The following PHF14 variants were observed in gnomAD, a reference collection of about 807,000 sequenced individuals.
PHF14 encodes the protein PHD finger protein 14.
Under a neutral mutation model 117.9 loss-of-function variants are expected in PHF14, and 55 were observed. The observed-to-expected ratio is 0.47, with a 90% CI of 0.38 to 0.58. The LOEUF (loss-of-function observed/expected upper bound fraction) is 0.58, where lower values mean the gene tolerates loss of function less well. Among genes scored for constraint, PHF14 ranks in the 20% least tolerant of loss-of-function variants. The pLI, the probability that PHF14 is intolerant of heterozygous loss-of-function variation, is 0.00. For synonymous variants in PHF14, 409 were observed against 368.6 expected (o/e 1.11, Z -1.26); for missense variants, 978 against 1,122.2 (o/e 0.87, Z 1.84).
chr7:11,067,094 A>G (rs1021941415), intron 16 of PHF14, among the ~76,000 whole-genome samples: 35 of 152,320 alleles, frequency 2.3e-4, no homozygotes, highest in African/African-American at 7.9e-4. Context: ...TTGAGAATAT[A>G]TAAAGAACTT....
At chr7:11,140,301 C>T (rs1788364601) in intron 17 of PHF14, among the ~76,000 whole-genome samples, 1 of 151,934 alleles carries the variant, frequency 6.6e-6, no homozygotes, top group Non-Finnish European at 1.5e-5. Flanking sequence ...TGCGATATAC[C>T]CTATTTTATT....
At chr7:11,059,495 G>T (rs894480981) in intron 14 of PHF14, among the ~76,000 whole-genome samples, 1 of 152,170 alleles carries the variant, frequency 6.6e-6, no homozygotes, top group Non-Finnish European at 1.5e-5. Flanking sequence ...TGCCCTGTAG[G>T]CCAGGTGCAG....
intron 4 of PHF14, 95 bp from the exon 5 acceptor site, chr7:11,013,652 T>C: frequency 1.6e-6 from 1 of 621,578 alleles, no homozygotes; most frequent in East Asian, 2.8e-5. Context: ...TTCATATCTT[T>C]TTCCTCATCT....
chr7:11,142,568 T>C (rs1788430995), intron 17 of PHF14, among the ~76,000 whole-genome samples: 2 of 152,116 alleles, frequency 1.3e-5, no homozygotes, highest in Non-Finnish European at 2.9e-5. Flanking sequence ...TTCTTGAAAA[T>C]GTGTCTTCCA....
rs1783114231 is a variant in PHF14, at chr7:11,006,650, A to ATAG, written c.1046-7092_1046-7090dup. 9.1e-5 allele frequency: 56 copies of ATAG among 613,700 alleles called. 1 individual carries two copies. The highest frequency in any genetic ancestry group is 7.6e-4 in the South Asian group (56 of 73,204). The allele number at this position is 613,700 out of a possible 1,614,324, so 38.0% of individuals were successfully genotyped here. On this transcript the variant is annotated intron_variant, in intron 4 of 17. Transcript: ENST00000634607. ...TGGTCAGCAGAAACTTGATGATGGT[A>ATAG]TAGTAGTCAAGCTTGTTTCTCCTGG...
At chr7:11,034,778 A>G (rs1271292250) in intron 7 of PHF14, among the ~76,000 whole-genome samples, 1 of 151,242 alleles carries the variant, frequency 6.6e-6, no homozygotes, top group Non-Finnish European at 1.5e-5. Context: ...CGAACTCCCA[A>G]CCTCAAGTGA....
At chr7:11,055,675 T>C (rs372899815) in intron 14 of PHF14, among the ~76,000 whole-genome samples, 7 of 152,172 alleles carry the variant, frequency 4.6e-5, no homozygotes, top group African/African-American at 1.7e-4. Flanking sequence ...CACTAGCCAG[T>C]TCTAAGTGGC....
chr7:11,066,228 T>G (rs576407706), intron 16 of PHF14, among the ~76,000 whole-genome samples: 1 of 152,220 alleles, frequency 6.6e-6, no homozygotes, highest in South Asian at 2.1e-4. Flanking sequence ...TCATATGTAT[T>G]ACATTTTAAT....
At chr7:11,063,254 A>T in intron 16 of PHF14, 1 of 984,910 alleles carries the variant, frequency 1.0e-6, no homozygotes, top group Non-Finnish European at 1.2e-6. Context: ...GTTGGGAGCT[A>T]TCCTGAAGGT....
chr7:11,060,124 C>T (rs930191266), intron 14 of PHF14, among the ~76,000 whole-genome samples: 5 of 152,284 alleles, frequency 3.3e-5, no homozygotes, highest in African/African-American at 9.6e-5. Context: ...CAGTCTTCCC[C>T]GCTTAGCCTC....
intron 3 of PHF14, among the ~76,000 whole-genome samples, chr7:10,985,888 A>G (rs1479950687): frequency 6.6e-6 from 1 of 151,940 alleles, no homozygotes; most frequent in African/African-American, 2.4e-5. Flanking sequence ...CCTGACCTCA[A>G]GTGATCCACC....
At chr7:11,002,405 G>A (rs1248483322) in intron 4 of PHF14, among the ~76,000 whole-genome samples, 3 of 151,944 alleles carry the variant, frequency 2.0e-5, no homozygotes, top group South Asian at 2.1e-4. Context: ...CAGGTTGACA[G>A]TGAGGTTTCT....
chr7:11,102,904 C>G (rs1420591978), intron 16 of PHF14: 3 of 1,078,904 alleles, frequency 2.8e-6, no homozygotes, highest in South Asian at 6.4e-5. Context: ...AGTGTTTGGA[C>G]TTACTGAAGA....
intron 16 of PHF14, among the ~76,000 whole-genome samples, chr7:11,085,654 T>C (rs1300587838): frequency 1.3e-5 from 2 of 151,938 alleles, no homozygotes; most frequent in Non-Finnish European, 2.9e-5. Flanking sequence ...GTTTTTTTCC[T>C]TTTTTTTGAG....
At chr7:11,063,088 A>T (rs1785289920) in intron 16 of PHF14, 1 of 908,426 alleles carries the variant, frequency 1.1e-6, no homozygotes, top group Admixed American at 6.2e-5. Flanking sequence ...TAATTTCTCA[A>T]AGAAAGGCAT....
At chr7:11,110,627 A>G (rs1048192258) in intron 16 of PHF14, 35 of 555,718 alleles carry the variant, frequency 6.3e-5, no homozygotes, top group Non-Finnish European at 7.8e-5. Context: ...TAAATGTACT[A>G]GGAAGTACTT....
chr7:11,023,171 A>G (rs1024816584), intron 6 of PHF14, among the ~76,000 whole-genome samples, 192 bp downstream of exon 6: 1 of 152,114 alleles, frequency 6.6e-6, no homozygotes, highest in Admixed American at 6.5e-5. Context: ...ATACATTCTT[A>G]ATTTAGAGTA....
chr7:11,116,950 T>G (rs1787617220), intron 17 of PHF14, among the ~76,000 whole-genome samples: 1 of 151,944 alleles, frequency 6.6e-6, no homozygotes, highest in Non-Finnish European at 1.5e-5. Flanking sequence ...AGACTTAGTA[T>G]TGTAATTTAA....
At chr7:10,979,821 A>G (rs1440280943) in intron 2 of PHF14, among the ~76,000 whole-genome samples, 1 of 152,130 alleles carries the variant, frequency 6.6e-6, no homozygotes, top group Non-Finnish European at 1.5e-5. Flanking sequence ...CTATAGAAAG[A>G]TAAAATTTGA....
Sources: allele counts gnomAD v4.1 joint callset (sites outside exome capture counted in the v4.1 genomes callset), GRCh38; gene constraint gnomAD v4.1.1; transcripts MANE v1.5; gene names NCBI Gene and HGNC (gene_info 2026-07-23, HGNC 2026-07-21).